EPS15L1: variants seen among roughly 807,000 people sequenced by gnomAD.
The protein encoded by EPS15L1 is epidermal growth factor receptor pathway substrate 15 like 1.
In EPS15L1, 43 loss-of-function variants were observed where a neutral mutation model predicts 117.1. The ratio of observed to expected loss-of-function variants is 0.37; its 90% CI spans 0.29 to 0.47. The LOEUF (loss-of-function observed/expected upper bound fraction) is 0.47. Ranked by LOEUF, EPS15L1 falls within the 20% of genes least tolerant of loss-of-function variation. EPS15L1 has a pLI of 0.99. For synonymous variants in EPS15L1, 459 were observed against 470.5 expected (o/e 0.98, Z 0.32); for missense variants, 981 against 1,164.0 (o/e 0.84, Z 2.29).
chr19:16,392,530 A>G (rs2092488728), intron 18 of EPS15L1, 90 bp from the exon 19 acceptor site: 14 of 1,284,274 alleles, frequency 1.1e-5, no homozygotes, highest in Admixed American at 2.1e-5. Context: ...TGCCGTTTAC[A>G]TGAAATTCTA....
chr19:16,392,512 C>A (rs1412978324), intron 18 of EPS15L1, 72 bp from the exon 19 acceptor site: 42 of 1,370,170 alleles, frequency 3.1e-5, no homozygotes, highest in Non-Finnish European at 1.8e-5. Context: ...GAACACATCA[C>A]AGAATGATGC....
intron 1 of EPS15L1, among the ~76,000 whole-genome samples, chr19:16,469,480 G>A (rs2093330229): frequency 6.6e-6 from 1 of 151,990 alleles, no homozygotes; most frequent in South Asian, 2.1e-4. Flanking sequence ...GAAGAGAGCT[G>A]AGCAGGGGGA....
chr19:16,385,263 C>A (rs1475242623), intron 20 of EPS15L1, 52 bp from the exon 21 acceptor site: 2 of 1,481,268 alleles, frequency 1.4e-6, no homozygotes, highest in Non-Finnish European at 9.4e-7. Flanking sequence ...GAGAACATGC[C>A]TTCTGGGGTG....
chr19:16,421,186 A>G, intron 10 of EPS15L1, 133 bp downstream of exon 10: 2 of 1,012,834 alleles, frequency 2.0e-6, no homozygotes, highest in Non-Finnish European at 2.8e-6. Flanking sequence ...GGCCAGGGAG[A>G]ATAAAGGACG....
rs1234596250 is a variant in EPS15L1 at position 16,355,825 on chromosome 19, C to T, written c.2613G>A (p.Ala871=). 2.6e-6 allele frequency: 4 copies of T among 1,536,090 alleles called. No homozygotes were observed. Among genetic ancestry groups the T allele is most frequent in the South Asian group, 1.2e-5 (1 of 84,058 alleles). The change falls in exon 24 of 24, where the codon GCG becomes GCA. Residue 871 remains alanine, a synonymous_variant. Coordinates refer to ENST00000455140, the MANE Select transcript of EPS15L1 (RefSeq NM_001258374.3). ...TSFGNEEQQL[A]WAKRESEKAE... The stretch of plus-strand genomic sequence containing the variant: ...CCTTCTCGCTCTCCCGCTTGGCCCA[C>T]GCCAGCTGCTGCTCCTCATTGCCAA...
At chr19:16,379,624 C>T (rs2092337682) in intron 21 of EPS15L1, among the ~76,000 whole-genome samples, 1 of 152,182 alleles carries the variant, frequency 6.6e-6, no homozygotes, top group Non-Finnish European at 1.5e-5. Context: ...CGTCTAGTCA[C>T]ACTGACACGG....
At position 16,425,223 on chromosome 19, in the gene EPS15L1, C is replaced by T. The variant is rs377090366; in HGVS notation, c.652G>A (p.Val218Met). The T allele has an allele frequency of 2.7e-5, 43 of 1,594,872 alleles. No homozygotes were observed. The highest frequency in any genetic ancestry group is 3.4e-5 in the Non-Finnish European group (40 of 1,163,866). ...AGGACGGGGACGGCGCCAGGGAACA[C>T]AGTCTTCTTTCTCTTGGAGGGTGGG... Reference protein sequence around the residue: ...LIPPSKRKKTVFPGAVPVLPA... With the variant: ...LIPPSKRKKTMFPGAVPVLPA... Residue 218 changes from valine to methionine, a missense_variant, in exon 9 of 24, where the codon GTG becomes ATG. Physicochemically the swap from Val to Met is conservative, Grantham distance 21. Around this residue, in one of 5 missense-constraint regions of EPS15L1, gnomAD observed 819 missense variants for 949.0 expected, o/e 0.86. Transcript: ENST00000455140.
intron 7 of EPS15L1, 112 bp downstream of exon 7, chr19:16,434,253 C>T (rs1198306934): frequency 7.1e-7 from 1 of 1,412,334 alleles, no homozygotes; most frequent in Non-Finnish European, 9.6e-7. Context: ...CCTGATGGCA[C>T]AGGGAGAAAA....
At chr19:16,449,167 A>G (rs532873900) in intron 1 of EPS15L1, among the ~76,000 whole-genome samples, 99 of 151,670 alleles carry the variant, frequency 6.5e-4, no homozygotes, top group Non-Finnish European at 7.7e-4. Context: ...CCAGCTACTC[A>G]GGAAGCCAAA....
At chr19:16,372,543 G>C (rs758113498) in intron 22 of EPS15L1, among the ~76,000 whole-genome samples, 2 of 152,166 alleles carry the variant, frequency 1.3e-5, no homozygotes, top group Non-Finnish European at 2.9e-5. Context: ...TAACGGAAAA[G>C]ATTTCCACTA....
intron 7 of EPS15L1, among the ~76,000 whole-genome samples, chr19:16,434,067 T>G (rs56075425): frequency 0.033 from 5,019 of 152,312 alleles, 299 homozygotes; most frequent in African/African-American, 0.12. Context: ...AGCTTAAGAC[T>G]GAGCTCTACT....
chr19:16,404,010 C>T lies in EPS15L1; in HGVS notation c.1429-80G>A, dbSNP rs2092629758. 1 of 1,348,380 alleles carries T rather than the reference C, an allele frequency of 7.4e-7. No homozygotes were observed. The highest frequency in any genetic ancestry group is 1.4e-5 in the African/African-American group (1 of 69,132). 83.5% of individuals were successfully genotyped at this position (1,348,380 alleles called of 1,614,324 possible). On this transcript the variant is annotated intron_variant, in intron 14 of 23. Coordinates refer to ENST00000455140, the MANE Select transcript of EPS15L1 (RefSeq NM_001258374.3). The surrounding 1 kb of genome is among the most constrained non-coding windows in gnomAD (Gnocchi z 4.2). ...GACTCCGAGAAAGAACTCTTAGCCCCCATCCCCGAAACAAGCTAAGCCAGG... is the reference window on the plus strand; with the variant it reads ...GACTCCGAGAAAGAACTCTTAGCCCTCATCCCCGAAACAAGCTAAGCCAGG...
chr19:16,358,627 C>A (rs1236148845), intron 23 of EPS15L1, among the ~76,000 whole-genome samples: 2 of 151,920 alleles, frequency 1.3e-5, no homozygotes, highest in African/African-American at 4.8e-5. Context: ...ATTTCAGCAG[C>A]CTCTTGGAAA....
chr19:16,421,551 G>A, intron 9 of EPS15L1, 75 bp from the exon 10 acceptor site: 1 of 1,464,528 alleles, frequency 6.8e-7, no homozygotes. Context: ...TTGATGATGG[G>A]GCGATTAAAG....
chr19:16,414,588 A>G (rs2092739679), intron 12 of EPS15L1, among the ~76,000 whole-genome samples: 2 of 151,734 alleles, frequency 1.3e-5, no homozygotes, highest in African/African-American at 4.8e-5. Flanking sequence ...TTCAGTAGAG[A>G]CGGGGTTTCG....
At chr19:16,424,323 TCCCAC>T in intron 9 of EPS15L1, among the ~76,000 whole-genome samples, 1 of 143,728 alleles carries the variant, frequency 7.0e-6, no homozygotes, top group South Asian at 2.4e-4. Flanking sequence ...AGCTATACCC[TCCCAC>T]CCCACCCCAC....
At chr19:16,438,559 G>C (rs923310761) in intron 4 of EPS15L1, among the ~76,000 whole-genome samples, 7 of 152,112 alleles carry the variant, frequency 4.6e-5, no homozygotes, top group Non-Finnish European at 4.4e-5. Flanking sequence ...TTTAGAGATA[G>C]GGTCTCACTC....
At chr19:16,455,789 G>T (rs1040335461) in intron 1 of EPS15L1, among the ~76,000 whole-genome samples, 2 of 152,102 alleles carry the variant, frequency 1.3e-5, no homozygotes, top group Admixed American at 1.3e-4. Flanking sequence ...GTGATTCCTG[G>T]TATCCTCCTC....
intron 22 of EPS15L1, among the ~76,000 whole-genome samples, chr19:16,374,484 T>C (rs1568396723): frequency 6.6e-6 from 1 of 152,126 alleles, no homozygotes; most frequent in Non-Finnish European, 1.5e-5. Flanking sequence ...ACTCCCGTTA[T>C]CAAACGTTCT....
Sources: gnomAD v4.1 joint callset for allele counts (sites outside exome capture counted in the v4.1 genomes callset) on GRCh38, gnomAD v4.1.1 for gene constraint, gnomAD v4.1.1 regional missense constraint, Gnocchi (gnomAD v3.1) non-coding constraint, MANE v1.5 for transcripts, NCBI Gene and HGNC (gene_info 2026-07-23, HGNC 2026-07-21) for gene names.